The following GPCPD1 variants were observed in gnomAD, a reference collection of about 807,000 sequenced individuals.
GPCPD1 encodes the protein glycerophosphocholine phosphodiesterase GPCPD1.
GPCPD1 carries 29 observed loss-of-function variants against 89.2 expected under a neutral mutation model. The ratio of observed to expected loss-of-function variants is 0.33; its 90% confidence interval spans 0.24 to 0.44. The LOEUF is 0.44. GPCPD1 is among the 20% of genes least tolerant of loss of function. The pLI, the probability that GPCPD1 is intolerant of heterozygous loss-of-function variation, is 1.00. For synonymous variants in GPCPD1, 258 were observed against 266.3 expected, an observed-to-expected ratio of 0.97 and a Z score of 0.30; for missense variants, 594 against 808.9, an observed-to-expected ratio of 0.73 and a Z score of 3.22.
At chr20:5,598,898 G>C in intron 2 of GPCPD1, 77 bp from the exon 3 acceptor site, 1 of 891,098 alleles carries the variant, frequency 1.1e-6, no homozygotes, top group Non-Finnish European at 1.9e-6. Flanking sequence ...GTTTGCATTA[G>C]TTCAACCAGA....
At chr20:5,609,647 C>A (rs919603929) in intron 1 of GPCPD1, among the ~76,000 whole-genome samples, 2 of 152,106 alleles carry the variant, frequency 1.3e-5, no homozygotes, top group African/African-American at 4.8e-5. Context: ...CACTTTGCTA[C>A]GATGAGTTTT....
chr20:5,570,263 G>GA, intron 11 of GPCPD1, 24 bp from the exon 12 acceptor site: 1 of 1,194,278 alleles, frequency 8.4e-7, no homozygotes, highest in South Asian at 1.3e-5. Flanking sequence ...GCAAGTATTT[G>GA]AAAAACATTG....
In GPCPD1 at chr20:5,546,783, A is replaced by G. The variant is rs1985049653; in HGVS notation, c.*878T>C. The G allele has an allele frequency of 1.3e-5, 2 of 149,522 alleles. No individual in the cohort carries two copies. The highest frequency in any genetic ancestry group is 2.9e-5 in the Non-Finnish European group (2 of 67,892). The allele number at this position is 149,522 out of a possible 1,614,324, so 9.3% of individuals were successfully genotyped here. ...ATAAGCATATTTAAAACGCCTACAA[A>G]CAGCCTTTTTTTTTTAGGCAACAAA... On this transcript the variant is annotated 3_prime_UTR_variant, in exon 20 of 20. Coordinates refer to ENST00000379019, the MANE Select transcript of GPCPD1 (RefSeq NM_019593.5).
chr20:5,548,890 A>G lies in GPCPD1; in HGVS notation c.1830-1040T>C, dbSNP rs187090037. Reference sequence around the variant, plus strand: ...CTCCTAATCCCCCTGTGAAGAGGAGAAAACAGAATCTAATCAGGAGGTTGC... The same window carrying G: ...CTCCTAATCCCCCTGTGAAGAGGAGGAAACAGAATCTAATCAGGAGGTTGC... On this transcript the variant is annotated intron_variant, in intron 19 of 19. Transcript: ENST00000379019. 191 of 1,039,482 alleles carry G rather than the reference A, an allele frequency of 1.8e-4. 1 individual carries two copies. The Admixed American group carries it at 4.8e-3, about 26-fold the overall frequency. 64.4% of individuals were successfully genotyped at this position (1,039,482 alleles called of 1,614,324 possible). A position where few individuals can be genotyped will look rare whatever the true frequency, so the allele number is the denominator to read the frequency against.
chr20:5,577,801 A>G (rs147134240), intron 8 of GPCPD1, among the ~76,000 whole-genome samples: 114 of 152,310 alleles, frequency 7.5e-4, no homozygotes, highest in African/African-American at 2.6e-3. Flanking sequence ...TAGGGGATGT[A>G]CCAAGTATTA....
intron 16 of GPCPD1, among the ~76,000 whole-genome samples, chr20:5,561,194 T>C (rs1004861435): frequency 3.9e-5 from 6 of 152,232 alleles, no homozygotes; most frequent in Non-Finnish European, 8.8e-5. Flanking sequence ...ATCCACTTTA[T>C]AAGTATCTCC....
At chr20:5,548,974 TAAAAAAGA>T in intron 19 of GPCPD1, 1 of 936,926 alleles carries the variant, frequency 1.1e-6, no homozygotes, top group Non-Finnish European at 1.6e-6. Flanking sequence ...CTGGTTTTTT[TAAAAAAGA>T]TAAAAGCAAA....
chr20:5,585,880 G>A (rs2122720227), intron 5 of GPCPD1: 1 of 231,568 alleles, frequency 4.3e-6, no homozygotes, highest in East Asian at 8.8e-5. Flanking sequence ...TAGAGCTATG[G>A]ATGCTCAGTC....
chr20:5,561,446 T>A lies in GPCPD1; in HGVS notation c.1395+19A>T, dbSNP rs2273372. ...TAGGCATAGAGAGTATAGAATGTGC[T>A]GCATAGAGAATTACTTACCCTTTGC... On this transcript the variant is annotated intron_variant, in intron 16 of 19. Coordinates refer to ENST00000379019, the MANE Select transcript of GPCPD1 (RefSeq NM_019593.5). 7.2e-7 allele frequency: 1 copy of A among 1,392,828 alleles called. No homozygotes were observed. Among genetic ancestry groups the A allele is most frequent in the Admixed American group, 1.7e-5 (1 of 59,174 alleles). The allele number at this position is 1,392,828 out of a possible 1,614,324, so 86.3% of individuals were successfully genotyped here.
intron 12 of GPCPD1, among the ~76,000 whole-genome samples, chr20:5,568,049 T>A (rs1367530827): frequency 6.6e-6 from 1 of 152,108 alleles, no homozygotes; most frequent in African/African-American, 2.4e-5. Flanking sequence ...GAAAAAATTG[T>A]CTGATTAGCT....
intron 2 of GPCPD1, 86 bp from the exon 3 acceptor site, chr20:5,598,907 G>A (rs1979929659): frequency 1.2e-6 from 1 of 815,008 alleles, no homozygotes; most frequent in Non-Finnish European, 2.1e-6. Flanking sequence ...AGTTCAACCA[G>A]ATATGCTGCC....
At chr20:5,600,381 C>T (rs1194171850) in intron 2 of GPCPD1, among the ~76,000 whole-genome samples, 8 of 151,808 alleles carry the variant, frequency 5.3e-5, no homozygotes, top group Non-Finnish European at 1.2e-4. Context: ...CTAGCAAAAC[C>T]CTGTCTCTAC....
intron 3 of GPCPD1, among the ~76,000 whole-genome samples, chr20:5,594,390 T>C (rs565677547): frequency 6.6e-6 from 1 of 152,084 alleles, no homozygotes; most frequent in South Asian, 2.1e-4. Flanking sequence ...CCCGGGTTCA[T>C]GCTATTCTCC....
intron 6 of GPCPD1, among the ~76,000 whole-genome samples, chr20:5,583,138 C>T (rs145778400): frequency 2.7e-5 from 4 of 146,964 alleles, no homozygotes; most frequent in African/African-American, 1.0e-4. Flanking sequence ...ACAGGAGAAT[C>T]GCTTGAACCT....
chr20:5,588,099 C>T (rs1271199430), intron 4 of GPCPD1, among the ~76,000 whole-genome samples: 2 of 152,108 alleles, frequency 1.3e-5, no homozygotes, highest in African/African-American at 4.8e-5. Flanking sequence ...CTTTCGTATC[C>T]ATTATACTAA....
chr20:5,557,287 G>A (rs537442311), intron 19 of GPCPD1, among the ~76,000 whole-genome samples: 7 of 152,320 alleles, frequency 4.6e-5, no homozygotes, highest in African/African-American at 7.2e-5. Flanking sequence ...CAGCCTGACC[G>A]TTAAGGGTAG....
intron 6 of GPCPD1, among the ~76,000 whole-genome samples, chr20:5,583,354 G>T (rs1407811931): frequency 1.3e-5 from 2 of 151,296 alleles, no homozygotes; most frequent in African/African-American, 4.9e-5. Context: ...CACCAGTCTG[G>T]CCAACATGGC....
At position 5,575,866 on chromosome 20, in the gene GPCPD1, G is replaced by A. The variant is rs2273373; in HGVS notation, c.818C>T (p.Thr273Ile). The A allele has an allele frequency of 0.056, 89,541 of 1,608,918 alleles. 3,867 individuals are homozygous for A. The highest frequency in any genetic ancestry group is 0.22 in the African/African-American group (16,266 of 74,694). The change falls in exon 9 of 20, where the codon ACT (threonine) becomes ATT (isoleucine). Residue 273 changes from threonine (T) to isoleucine (I), a missense_variant. Transcript: ENST00000379019. ...GGAATTTCTGCTCATGATGGGAAGA[G>A]TAAGAATTCCAGCACTCTTTCCACT... The part of the protein sequence containing the change: ...AESGKSAGIL[T>I]LPIMSRNSRK...
chr20:5,551,953 T>C (rs1490107892), intron 19 of GPCPD1, among the ~76,000 whole-genome samples: 2 of 152,178 alleles, frequency 1.3e-5, no homozygotes, highest in Non-Finnish European at 2.9e-5. Context: ...CAAAACCTTC[T>C]ATGTGATATC....
Sources: allele counts gnomAD v4.1 joint callset (sites outside exome capture counted in the v4.1 genomes callset), GRCh38; gene constraint gnomAD v4.1.1; transcripts MANE v1.5; gene names NCBI Gene and HGNC (gene_info 2026-07-23, HGNC 2026-07-21).